The following PARD3B variants were observed in gnomAD, a reference collection of about 807,000 sequenced individuals.
PARD3B encodes partitioning defective 3 homolog B.
A neutral mutation model predicts 130.2 loss-of-function variants in PARD3B; 103 were observed. That is an observed-to-expected ratio of 0.79 (90% CI 0.67 to 0.93). The LOEUF (loss-of-function observed/expected upper bound fraction) is 0.93. PARD3B is among the 40% of genes least tolerant of loss of function. The probability of loss-of-function intolerance (pLI) is 0.00; values close to 1 mark genes in which losing one functional copy is unlikely to be tolerated. For missense variants in PARD3B, 1,609 were observed against 1,499.2 expected (o/e 1.07, Z -1.21); for synonymous variants, 583 against 553.2 (o/e 1.05, Z -0.76).
At chr2:204,929,438 A>G (rs1001268659) in intron 2 of PARD3B, among the ~76,000 whole-genome samples, 3 of 152,198 alleles carry the variant, frequency 2.0e-5, no homozygotes, top group Non-Finnish European at 4.4e-5. Flanking sequence ...TTACTATCTT[A>G]TACTTAAATA....
chr2:204,721,858 C>G (rs1338965436), intron 2 of PARD3B, among the ~76,000 whole-genome samples: 4 of 152,020 alleles, frequency 2.6e-5, no homozygotes, highest in Non-Finnish European at 5.9e-5. Context: ...GTATGCATTT[C>G]TTGACCACTT....
intron 3 of PARD3B, among the ~76,000 whole-genome samples, chr2:205,029,560 A>T (rs773868025): frequency 6.6e-6 from 1 of 152,226 alleles, no homozygotes; most frequent in Non-Finnish European, 1.5e-5. Flanking sequence ...TCAGTCTGCT[A>T]TGAAGCCCTC....
chr2:204,732,170 A>G (rs73059099), intron 2 of PARD3B, among the ~76,000 whole-genome samples: 4,020 of 152,054 alleles, frequency 0.026, 155 homozygotes, highest in African/African-American at 0.09. Flanking sequence ...CTTATTAGAT[A>G]TAAAGCATTC....
At chr2:205,556,252 G>A (rs1340403264) in intron 22 of PARD3B, among the ~76,000 whole-genome samples, 2 of 152,156 alleles carry the variant, frequency 1.3e-5, no homozygotes, top group South Asian at 2.1e-4. Flanking sequence ...AACTTAATAT[G>A]CTACTGACTG....
chr2:205,146,750 T>C lies in PARD3B; in HGVS notation c.1435-11972T>C, dbSNP rs1255994903. Among the ~76,000 whole-genome samples, 1 of 152,098 alleles carries C rather than the reference T, an allele frequency of 6.6e-6. No individual in the cohort carries two copies. The highest frequency in any genetic ancestry group is 1.5e-5 in the Non-Finnish European group (1 of 68,012). On this transcript the variant is annotated intron_variant, in intron 10 of 22. Transcript: ENST00000406610. This position sits in a 1 kb window ranked among gnomAD's most constrained non-coding sequence, Gnocchi z 4.3. ...ATTTTTTGTTTTTTTGTTTTTAAGA[T>C]GGAGTCTCACTCTGTTGCCCAGGGT...
rs1451522138 is a variant in PARD3B at position 205,407,964 on chromosome 2, A to G, written c.2741+6841A>G. The stretch of plus-strand genomic sequence containing the variant: ...GAATCTTAGCAGGATACATGAGGAG[A>G]TGGGAGAAAAAAAAGATCCAACCTC... On this transcript the variant is annotated intron_variant, in intron 19 of 22. Coordinates refer to ENST00000406610, the MANE Select transcript of PARD3B (RefSeq NM_001302769.2). This position sits in a 1 kb window ranked among gnomAD's most constrained non-coding sequence, Gnocchi z 4.1. Among the ~76,000 whole-genome samples the G allele has an allele frequency of 2.6e-5, 4 of 152,286 alleles. No homozygotes were observed. The highest frequency in any genetic ancestry group is 5.9e-5 in the Non-Finnish European group (4 of 68,012).
intron 15 of PARD3B, among the ~76,000 whole-genome samples, chr2:205,196,725 G>A (rs191397267): frequency 8.5e-5 from 13 of 152,076 alleles, no homozygotes; most frequent in South Asian, 4.2e-4. Context: ...TGACTTCTCC[G>A]TTCTTTCCCT....
At chr2:205,415,846 A>G (rs2046757178) in intron 19 of PARD3B, among the ~76,000 whole-genome samples, 1 of 152,182 alleles carries the variant, frequency 6.6e-6, no homozygotes. Context: ...ACATTTTACT[A>G]AAATCATGCC....
chr2:205,026,152 A>G (rs1183498824), intron 3 of PARD3B, among the ~76,000 whole-genome samples: 1 of 152,146 alleles, frequency 6.6e-6, no homozygotes, highest in African/African-American at 2.4e-5. Context: ...GAAACAGGAT[A>G]AAGGAATAGA....
chr2:204,652,856 T>C (rs1325285562), intron 1 of PARD3B, among the ~76,000 whole-genome samples: 1 of 150,998 alleles, frequency 6.6e-6, no homozygotes, highest in Non-Finnish European at 1.5e-5. Flanking sequence ...CATATTACCA[T>C]TGTGGATCAT....
intron 1 of PARD3B, among the ~76,000 whole-genome samples, chr2:204,607,958 C>A (rs1183108361): frequency 7.2e-5 from 11 of 152,096 alleles, no homozygotes; most frequent in Admixed American, 5.9e-4. Flanking sequence ...CATTTAGGAA[C>A]CCTCAGTCTA....
intron 2 of PARD3B, among the ~76,000 whole-genome samples, chr2:204,899,775 T>A (rs1378250294): frequency 6.6e-6 from 1 of 152,216 alleles, no homozygotes; most frequent in Non-Finnish European, 1.5e-5. Flanking sequence ...GAACTCCCTT[T>A]AGTGTTTCTT....
At chr2:205,247,827 C>T (rs894635658) in intron 16 of PARD3B, among the ~76,000 whole-genome samples, 3 of 152,138 alleles carry the variant, frequency 2.0e-5, no homozygotes, top group Non-Finnish European at 2.9e-5. Context: ...ACACTAGAAA[C>T]GGTTCTGAGA....
chr2:205,264,344 A>G (rs1021505019), intron 16 of PARD3B, among the ~76,000 whole-genome samples: 2 of 151,092 alleles, frequency 1.3e-5, no homozygotes, highest in African/African-American at 4.9e-5. Flanking sequence ...GATGAAGGCA[A>G]AGGCAGTTAC....
chr2:204,855,208 C>T (rs570117184), intron 2 of PARD3B, among the ~76,000 whole-genome samples: 8 of 152,046 alleles, frequency 5.3e-5, no homozygotes, highest in Admixed American at 2.0e-4. Flanking sequence ...CCACAGTGCA[C>T]GACTCTAAAA....
Position 205,592,309 on chromosome 2 carries a change from G to A in PARD3B, c.3261-23147G>A, listed in dbSNP as rs2054414883. Reference sequence around the variant, plus strand: ...AATTGCTGTACGCCTTGGGAGCTTGGTCATTAGGCAACAAGCAAGATGCCA... The same window carrying A: ...AATTGCTGTACGCCTTGGGAGCTTGATCATTAGGCAACAAGCAAGATGCCA... On this transcript the variant is annotated intron_variant, in intron 22 of 22. Transcript: ENST00000406610. This position sits in a 1 kb window ranked among gnomAD's most constrained non-coding sequence, Gnocchi z 4.5. 6.6e-6 allele frequency among the ~76,000 whole-genome samples: 1 copy of A among 152,162 alleles called. No individual in the cohort carries two copies. Among genetic ancestry groups the A allele is most frequent in the Non-Finnish European group, 1.5e-5 (1 of 68,034 alleles).
chr2:204,642,265 A>C (rs2125154639), intron 1 of PARD3B, among the ~76,000 whole-genome samples: 1 of 152,320 alleles, frequency 6.6e-6, no homozygotes, highest in African/African-American at 2.4e-5. Context: ...GACTGAAGCC[A>C]TTGGGCCAAA....
intron 4 of PARD3B, among the ~76,000 whole-genome samples, chr2:205,063,316 C>G (rs552988789): frequency 1.3e-4 from 20 of 151,168 alleles, no homozygotes; most frequent in Non-Finnish European, 2.2e-4. Context: ...CTATGATGTA[C>G]TAATAAAAAA....
At chr2:204,828,326 G>A (rs912722419) in intron 2 of PARD3B, among the ~76,000 whole-genome samples, 1 of 151,704 alleles carries the variant, frequency 6.6e-6, no homozygotes, top group Admixed American at 6.6e-5. Flanking sequence ...TTCTGACCTT[G>A]TTCTGGGAGT....
Sources: allele counts gnomAD v4.1 joint callset (sites outside exome capture counted in the v4.1 genomes callset), GRCh38; gene constraint gnomAD v4.1.1; non-coding constraint Gnocchi (gnomAD v3.1); transcripts MANE v1.5; gene names NCBI Gene and HGNC (gene_info 2026-07-23, HGNC 2026-07-21).